The following SEMA3D variants were observed in gnomAD, a reference collection of about 807,000 sequenced individuals.
SEMA3D encodes semaphorin 3D, also known as semaphorin-3D.
A neutral mutation model predicts 100.1 loss-of-function variants in SEMA3D; 84 were observed. The observed-to-expected ratio is 0.84, with a 90% CI of 0.70 to 1.01. SEMA3D has a LOEUF of 1.01. SEMA3D is among the 50% of genes least tolerant of loss of function. The pLI, the probability that SEMA3D is intolerant of heterozygous loss-of-function variation, is 0.00. For missense variants in SEMA3D, 875 were observed against 934.1 expected (o/e 0.94, Z 0.82); for synonymous variants, 312 against 320.7 (o/e 0.97, Z 0.29).
At chr7:85,181,777 GAA>G (rs1331450490) in intron 1 of SEMA3D, 14 of 982,314 alleles carry the variant, frequency 1.4e-5, no homozygotes, top group Non-Finnish European at 1.7e-5. Context: ...ACTGACCAGT[GAA>G]AGATTAGCAT....
At chr7:85,079,257 A>C (rs1422734439) in intron 5 of SEMA3D, among the ~76,000 whole-genome samples, 1 of 152,230 alleles carries the variant, frequency 6.6e-6, no homozygotes, top group Non-Finnish European at 1.5e-5. Context: ...TTCCTTGAAC[A>C]TGGTAACTGC....
At chr7:85,165,182 T>C (rs894634431) in intron 1 of SEMA3D, among the ~76,000 whole-genome samples, 4 of 151,446 alleles carry the variant, frequency 2.6e-5, no homozygotes, top group Non-Finnish European at 2.9e-5. Flanking sequence ...AACCTGCACG[T>C]TGTGCACATG....
chr7:85,160,618 T>C (rs1420201340), intron 1 of SEMA3D, among the ~76,000 whole-genome samples: 1 of 152,024 alleles, frequency 6.6e-6, no homozygotes, highest in African/African-American at 2.4e-5. Flanking sequence ...CAGGAGGTAA[T>C]GGGACCCTCC....
intron 2 of SEMA3D, among the ~76,000 whole-genome samples, chr7:85,123,764 A>G (rs780472280): frequency 2.6e-5 from 4 of 152,096 alleles, no homozygotes; most frequent in Admixed American, 6.6e-5. Context: ...TTTGTATATA[A>G]TCTGTCAACA....
intron 12 of SEMA3D, among the ~76,000 whole-genome samples, chr7:85,035,746 A>G (rs919585339): frequency 1.3e-5 from 2 of 152,084 alleles, no homozygotes; most frequent in Admixed American, 6.6e-5. Flanking sequence ...TGTTCTTATC[A>G]CATTATTAAA....
chr7:85,038,512 G>A (rs1217273656), intron 11 of SEMA3D, among the ~76,000 whole-genome samples: 1 of 152,060 alleles, frequency 6.6e-6, no homozygotes, highest in Non-Finnish European at 1.5e-5. Flanking sequence ...CTTTAGGATG[G>A]CATTAAAAAC....
At chr7:85,087,343 A>C (rs1788249962) in intron 4 of SEMA3D, among the ~76,000 whole-genome samples, 1 of 152,212 alleles carries the variant, frequency 6.6e-6, no homozygotes, top group African/African-American at 2.4e-5. Flanking sequence ...TAAGGATATA[A>C]TTTTGGTGGG....
intron 8 of SEMA3D, among the ~76,000 whole-genome samples, chr7:85,062,989 T>G (rs1484273944): frequency 6.6e-6 from 1 of 152,152 alleles, no homozygotes; most frequent in Admixed American, 6.5e-5. Context: ...TAGCCTCACT[T>G]CTACCTCCCA....
At chr7:85,085,204 A>AT (rs1343051786) in intron 4 of SEMA3D, among the ~76,000 whole-genome samples, 5 of 152,128 alleles carry the variant, frequency 3.3e-5, no homozygotes, top group Non-Finnish European at 5.9e-5. Context: ...ATATCTATAG[A>AT]TTTTTTCAAA....
At chr7:85,190,341 C>T (rs1333496301), upstream of SEMA3D, among the ~76,000 whole-genome samples, 1 of 152,158 alleles carries the variant, frequency 6.6e-6, no homozygotes, top group Non-Finnish European at 1.5e-5. Flanking sequence ...ACCTCTCTGT[C>T]TTATAATAAA....
intron 2 of SEMA3D, among the ~76,000 whole-genome samples, chr7:85,149,053 T>G (rs1790292226): frequency 6.6e-6 from 1 of 151,982 alleles, no homozygotes; most frequent in African/African-American, 2.4e-5. Flanking sequence ...ATAAAAGGTA[T>G]TAACAGGAAA....
chr7:85,206,689 GAGA>G, the SEMA3D span, among the ~76,000 whole-genome samples: 1 of 152,024 alleles, frequency 6.6e-6, no homozygotes, highest in African/African-American at 2.4e-5. Flanking sequence ...GCTCAATTTG[GAGA>G]AGATGGCCAG....
At chr7:85,146,522 C>A (rs1790209009) in intron 2 of SEMA3D, among the ~76,000 whole-genome samples, 1 of 151,246 alleles carries the variant, frequency 6.6e-6, no homozygotes, top group South Asian at 2.1e-4. Flanking sequence ...CCACTGCACT[C>A]CAGCCTGGGT....
At chr7:85,166,346 A>G (rs1312658803) in intron 1 of SEMA3D, among the ~76,000 whole-genome samples, 2 of 152,070 alleles carry the variant, frequency 1.3e-5, no homozygotes, top group Non-Finnish European at 2.9e-5. Flanking sequence ...TATGAGTTAG[A>G]AAACTAATAA....
intron 3 of SEMA3D, among the ~76,000 whole-genome samples, chr7:85,117,617 A>C (rs1323633003): frequency 6.6e-6 from 1 of 152,090 alleles, no homozygotes; most frequent in Non-Finnish European, 1.5e-5. Context: ...TACAAAAAAT[A>C]CAAAAATTAG....
chr7:85,092,060 C>T lies in SEMA3D; in HGVS notation c.312+5745G>A, dbSNP rs188092903. 3.1e-3 allele frequency among the ~76,000 whole-genome samples: 469 copies of T among 152,030 alleles called. 3 individuals carry two copies. Among genetic ancestry groups the T allele is most frequent in the Non-Finnish European group, 4.8e-3 (328 of 67,934 alleles). On this transcript the variant is annotated intron_variant, in intron 4 of 18. Coordinates refer to ENST00000284136, the MANE Select transcript of SEMA3D (RefSeq NM_001384900.1). ...TTTCTCAAACATATTTTTCCCCATTCGAACTGAACAACAAGGAAACAACAA... is the reference window on the plus strand; with the variant it reads ...TTTCTCAAACATATTTTTCCCCATTTGAACTGAACAACAAGGAAACAACAA...
rs1199498994 is a variant in SEMA3D at position 85,103,175 on chromosome 7, T to G, written c.152-5210A>C. ...TCTGCCAAACCAAGCAAAGTCATTT[T>G]TGTTTCCACAGGATTATCAACCAAA... On this transcript the variant is annotated intron_variant, in intron 3 of 18. Coordinates refer to ENST00000284136, the MANE Select transcript of SEMA3D (RefSeq NM_001384900.1). Among the ~76,000 whole-genome samples the G allele has an allele frequency of 2.0e-5, 3 of 152,086 alleles. No individual in the cohort carries two copies. The East Asian group carries it at 5.8e-4, about 30-fold the overall frequency.
At chr7:85,200,407 CTT>C in the SEMA3D span, among the ~76,000 whole-genome samples, 529 of 152,242 alleles carry the variant, frequency 3.5e-3, 4 homozygotes, top group African/African-American at 0.011. Context: ...AAAGGTGACT[CTT>C]GTTATGTTTT....
At chr7:85,187,344 G>C (rs1030822475), upstream of SEMA3D, among the ~76,000 whole-genome samples, 1 of 152,148 alleles carries the variant, frequency 6.6e-6, no homozygotes, top group African/African-American at 2.4e-5. Context: ...CATAAAACCT[G>C]TTAAGGGACC....
Sources: allele counts gnomAD v4.1 joint callset (sites outside exome capture counted in the v4.1 genomes callset), GRCh38; gene constraint gnomAD v4.1.1; transcripts MANE v1.5; gene names NCBI Gene and HGNC (gene_info 2026-07-23, HGNC 2026-07-21).